Variants in ACER1 observed in about 807,000 individuals in gnomAD.
The protein encoded by ACER1 is alkaline ceramidase 1.
In ACER1, 28 loss-of-function variants were observed where a neutral mutation model predicts 24.9. That is an observed-to-expected ratio of 1.13 (90% CI 0.83 to 1.54). The LOEUF (loss-of-function observed/expected upper bound fraction) is 1.54. Among genes scored for constraint, ACER1 ranks in the 40% most tolerant of loss-of-function variants. ACER1 has a pLI of 0.00. For missense variants in ACER1, 352 were observed against 349.3 expected (o/e 1.01, Z -0.06); for synonymous variants, 132 against 131.4 (o/e 1.00, Z -0.03).
chr19:6,344,455 A>C, the ACER1 span, among the ~76,000 whole-genome samples: 1 of 151,594 alleles, frequency 6.6e-6, no homozygotes, highest in Non-Finnish European at 1.5e-5. Flanking sequence ...TAAATAAATA[A>C]ATTTATTTAT....
chr19:6,315,482 C>T (rs1453886242), intron 1 of ACER1, among the ~76,000 whole-genome samples: 3 of 152,030 alleles, frequency 2.0e-5, no homozygotes, highest in African/African-American at 7.2e-5. Flanking sequence ...CGGGTTCATG[C>T]CATTCTCCTG....
chr19:6,309,530 AAATAAT>A (rs916376481), intron 4 of ACER1, among the ~76,000 whole-genome samples, 161 bp downstream of exon 4: 88 of 152,144 alleles, frequency 5.8e-4, no homozygotes, highest in African/African-American at 1.9e-3. Context: ...TCAAGAAAAA[AAATAAT>A]AATAAGGACA....
the ACER1 span, among the ~76,000 whole-genome samples, chr19:6,349,416 A>C: frequency 1.4e-5 from 2 of 140,028 alleles, no homozygotes; most frequent in African/African-American, 2.8e-5. Flanking sequence ...AAGGAAGGAA[A>C]GAAGGAAGGA....
the ACER1 span, among the ~76,000 whole-genome samples, chr19:6,344,958 C>T: frequency 6.6e-6 from 1 of 150,924 alleles, no homozygotes; most frequent in Admixed American, 6.6e-5. Flanking sequence ...CTCCGCCTCC[C>T]GGGTTCACAC....
At chr19:6,327,179 C>T (rs2091665244) in intron 1 of ACER1, among the ~76,000 whole-genome samples, 1 of 152,172 alleles carries the variant, frequency 6.6e-6, no homozygotes, top group South Asian at 2.1e-4. Flanking sequence ...GCCTATAATG[C>T]CAGCACTTTT....
chr19:6,334,073 G>GTC (rs200623980), upstream of ACER1, among the ~76,000 whole-genome samples: 7,468 of 150,688 alleles, frequency 0.05, 280 homozygotes, highest in African/African-American at 0.11. Context: ...TGGAGACAGA[G>GTC]TCGCTCTGTT....
intron 1 of ACER1, among the ~76,000 whole-genome samples, chr19:6,317,631 C>T (rs1026958436): frequency 3.3e-5 from 5 of 152,226 alleles, no homozygotes; most frequent in Admixed American, 1.3e-4. Flanking sequence ...TCCATTAAAA[C>T]GTGTCTGGGC....
At position 6,306,505 on chromosome 19, in the gene ACER1, G is replaced by C. The variant is rs2091552908; in HGVS notation, c.*209C>G. 1.8e-6 allele frequency: 1 copy of C among 559,092 alleles called. No homozygotes were observed. The highest frequency in any genetic ancestry group is 3.1e-5 in the Admixed American group (1 of 31,800). 34.6% of individuals were successfully genotyped at this position (559,092 alleles called of 1,614,324 possible). On this transcript the variant is annotated 3_prime_UTR_variant, in exon 6 of 6. Coordinates refer to ENST00000301452, the MANE Select transcript of ACER1 (RefSeq NM_133492.3). ...TCATGGAGGGGAGATGCACGAGACA[G>C]CCCCCCACAGTCACCAGGCTGCTGC...
chr19:6,357,456 G>C, the ACER1 span, among the ~76,000 whole-genome samples: 3 of 151,742 alleles, frequency 2.0e-5, no homozygotes, highest in African/African-American at 7.3e-5. Flanking sequence ...GTCAGCAGGG[G>C]GGACGGGGAA....
chr19:6,358,794 G>A, the ACER1 span, among the ~76,000 whole-genome samples: 55 of 150,934 alleles, frequency 3.6e-4, no homozygotes, highest in Non-Finnish European at 6.6e-4. Flanking sequence ...TTAGCTGGGC[G>A]TGGTGGTGGG....
At chr19:6,307,065 A>T in intron 5 of ACER1, 88 bp downstream of exon 5, 1 of 1,568,658 alleles carries the variant, frequency 6.4e-7, no homozygotes, top group African/African-American at 1.4e-5. Flanking sequence ...CTGCTTCTCC[A>T]ACCCCAGCCC....
the ACER1 span, among the ~76,000 whole-genome samples, chr19:6,340,658 G>A: frequency 1.3e-5 from 2 of 152,138 alleles, no homozygotes; most frequent in African/African-American, 4.8e-5. Flanking sequence ...CTGAATCTTG[G>A]CGAGGGTTTA....
the ACER1 span, among the ~76,000 whole-genome samples, chr19:6,359,388 G>A: frequency 4.0e-5 from 6 of 148,536 alleles, no homozygotes; most frequent in Admixed American, 6.7e-5. Flanking sequence ...GTGTGATCTC[G>A]GCTCTCTGCA....
At position 6,306,526 on chromosome 19, in the gene ACER1, G is replaced by C; in HGVS notation, c.*188C>G. ...GACAGCCCCCCACAGTCACCAGGCT[G>C]CTGCTCAGAGATGTCACAAAGTCCA... is the stretch of plus-strand genomic sequence containing the variant. On this transcript the variant is annotated 3_prime_UTR_variant, in exon 6 of 6. Transcript: ENST00000301452. 1 of 628,856 alleles carries C rather than the reference G, an allele frequency of 1.6e-6. No individual in the cohort carries two copies. The highest frequency in any genetic ancestry group is 2.6e-6 in the Non-Finnish European group (1 of 385,422). The allele number at this position is 628,856 out of a possible 1,614,324, so 39.0% of individuals were successfully genotyped here. A position where few individuals can be genotyped will look rare whatever the true frequency, so the allele number is the denominator to read the frequency against.
chr19:6,348,088 T>A, the ACER1 span, among the ~76,000 whole-genome samples: 1 of 148,138 alleles, frequency 6.8e-6, no homozygotes, highest in South Asian at 2.2e-4. Context: ...TCTAGGTGGG[T>A]AAGACAAAGC....
chr19:6,339,960 T>C, the ACER1 span, among the ~76,000 whole-genome samples: 2 of 148,882 alleles, frequency 1.3e-5, no homozygotes, highest in African/African-American at 4.9e-5. Context: ...CCACCACGCC[T>C]GGCCTGATTT....
intron 1 of ACER1, among the ~76,000 whole-genome samples, chr19:6,326,507 C>G (rs890679263): frequency 2.6e-5 from 4 of 151,762 alleles, no homozygotes; most frequent in Admixed American, 2.0e-4. Flanking sequence ...TCAAGTGATC[C>G]TCCTGCCTCG....
At chr19:6,312,052 G>T (rs999756892) in intron 3 of ACER1, 97 bp downstream of exon 3, 3 of 1,462,140 alleles carry the variant, frequency 2.1e-6, no homozygotes, top group Admixed American at 2.4e-5. Context: ...CCCCAAAGAG[G>T]GTCAAGGGTG....
intron 1 of ACER1, among the ~76,000 whole-genome samples, chr19:6,329,802 C>T (rs930291425): frequency 2.6e-5 from 4 of 152,056 alleles, no homozygotes; most frequent in African/African-American, 9.7e-5. Context: ...AACTCCTGAA[C>T]TCAAGCAATC....
Sources: allele counts gnomAD v4.1 joint callset (sites outside exome capture counted in the v4.1 genomes callset), GRCh38; gene constraint gnomAD v4.1.1; transcripts MANE v1.5; gene names NCBI Gene and HGNC (gene_info 2026-07-23, HGNC 2026-07-21).